Variants in ARNT2 observed in about 807,000 individuals in gnomAD.
ARNT2 encodes aryl hydrocarbon receptor nuclear translocator 2.
Under a neutral mutation model 91.7 loss-of-function variants are expected in ARNT2, and 36 were observed. The ratio of observed to expected loss-of-function variants is 0.39; its 90% CI spans 0.30 to 0.52. The LOEUF is 0.52. Ranked by LOEUF, ARNT2 falls within the 20% of genes least tolerant of loss-of-function variation. The pLI is 0.72. For missense variants in ARNT2, 775 were observed against 939.3 expected, an observed-to-expected ratio of 0.83 and a Z score of 2.29; for synonymous variants, 365 against 347.1, an observed-to-expected ratio of 1.05 and a Z score of -0.57.
intron 1 of ARNT2, chr15:80,442,797 A>AT: frequency 2.1e-6 from 2 of 965,148 alleles, no homozygotes; most frequent in Non-Finnish European, 1.2e-6. Flanking sequence ...GCCCAATCAT[A>AT]TTTTTCTTCT....
At chr15:80,513,533 A>T (rs1368048171) in intron 6 of ARNT2, among the ~76,000 whole-genome samples, 1 of 152,162 alleles carries the variant, frequency 6.6e-6, no homozygotes, top group Non-Finnish European at 1.5e-5. Flanking sequence ...CTGAAGGGAC[A>T]TTATTGCTGT....
chr15:80,484,123 A>G (rs767719916), intron 5 of ARNT2, among the ~76,000 whole-genome samples: 1 of 152,008 alleles, frequency 6.6e-6, no homozygotes, highest in African/African-American at 2.4e-5. Context: ...CAGAATCTTA[A>G]TCCTGAACAC....
intron 8 of ARNT2, among the ~76,000 whole-genome samples, chr15:80,533,160 C>T (rs1897765427): frequency 1.3e-5 from 2 of 152,146 alleles, no homozygotes; most frequent in African/African-American, 4.8e-5. Context: ...AGCACAGAGC[C>T]CACAAGAGGT....
chr15:80,485,412 T>G (rs540263668), intron 5 of ARNT2, among the ~76,000 whole-genome samples: 1 of 152,206 alleles, frequency 6.6e-6, no homozygotes, highest in South Asian at 2.1e-4. Context: ...GACACTGTAC[T>G]AAGTGCTGGG....
At chr15:80,540,227 T>G (rs1897884905) in intron 8 of ARNT2, among the ~76,000 whole-genome samples, 1 of 152,210 alleles carries the variant, frequency 6.6e-6, no homozygotes, top group South Asian at 2.1e-4. Flanking sequence ...CATGAGAAAC[T>G]GCTAGACTGT....
At chr15:80,480,393 G>A (rs1308506313) in intron 5 of ARNT2, among the ~76,000 whole-genome samples, 1 of 152,134 alleles carries the variant, frequency 6.6e-6, no homozygotes, top group Non-Finnish European at 1.5e-5. Context: ...CCTTCCGGTG[G>A]CCTTTCCCAG....
intron 1 of ARNT2, among the ~76,000 whole-genome samples, chr15:80,418,397 C>G (rs765550597): frequency 2.6e-5 from 4 of 152,222 alleles, no homozygotes; most frequent in African/African-American, 7.2e-5. Context: ...CTCCTGGATC[C>G]GGCTGCTTCC....
chr15:80,503,322 C>T (rs1897225706), intron 5 of ARNT2, among the ~76,000 whole-genome samples: 1 of 152,154 alleles, frequency 6.6e-6, no homozygotes. Context: ...GTCAAAAATC[C>T]AATTTACACA....
chr15:80,581,867 G>A (rs2141481641), intron 17 of ARNT2, among the ~76,000 whole-genome samples: 1 of 152,346 alleles, frequency 6.6e-6, no homozygotes, highest in East Asian at 1.9e-4. Context: ...AGAGGGTTAA[G>A]GAACCGCTGT....
chr15:80,584,359 G>A (rs561834820), intron 17 of ARNT2, among the ~76,000 whole-genome samples: 1 of 152,274 alleles, frequency 6.6e-6, no homozygotes, highest in East Asian at 1.9e-4. Flanking sequence ...AGGAAGTGGA[G>A]TGCTGGCTGG....
intron 5 of ARNT2, among the ~76,000 whole-genome samples, chr15:80,476,627 C>T (rs1273485248): frequency 6.6e-6 from 1 of 152,218 alleles, no homozygotes; most frequent in Admixed American, 6.5e-5. Context: ...AGTAGGCCTT[C>T]AGCAGAAGCC....
rs377690246 is a variant in ARNT2, at chr15:80,513,960, A to G, written c.775A>G (p.Met259Val). The G allele has an allele frequency of 5.6e-6, 9 of 1,613,366 alleles. No individual in the cohort carries two copies. Among genetic ancestry groups the G allele is most frequent in the African/African-American group, 2.7e-5 (2 of 74,886 alleles). Reference protein sequence around the residue: ...DHLPLNRITTMRKRFRNGLGP... With the variant: ...DHLPLNRITTVRKRFRNGLGP... Reference sequence around the variant, plus strand: ...CCTTCCTCTAAACAGAATAACCACCATGAGGAAAAGGTTCAGGTCAGTATC... The same window carrying G: ...CCTTCCTCTAAACAGAATAACCACCGTGAGGAAAAGGTTCAGGTCAGTATC... The change falls in exon 7 of 19, where the codon ATG (methionine) becomes GTG (valine). Residue 259 changes from methionine (M) to valine (V), a missense_variant. Physicochemically the swap from Met to Val is conservative, Grantham distance 21. This residue lies in a region of ARNT2 where 285 missense variants were observed against 327.2 expected (regional missense o/e 0.87). Coordinates refer to ENST00000303329, the MANE Select transcript of ARNT2 (RefSeq NM_014862.4).
intron 3 of ARNT2, 26 bp downstream of exon 3, chr15:80,458,002 C>A (rs746747856): frequency 1.5e-5 from 24 of 1,604,558 alleles, no homozygotes; most frequent in Non-Finnish European, 2.0e-5. Context: ...TTTCCTTAGA[C>A]TTAAAGAAGG....
At chr15:80,474,605 A>G (rs956742152) in intron 4 of ARNT2, among the ~76,000 whole-genome samples, 1 of 152,006 alleles carries the variant, frequency 6.6e-6, no homozygotes, top group African/African-American at 2.4e-5. Context: ...CCTTCCTTCT[A>G]TCTAGCACCT....
At chr15:80,428,119 A>G (rs1220994323) in intron 1 of ARNT2, among the ~76,000 whole-genome samples, 1 of 152,208 alleles carries the variant, frequency 6.6e-6, no homozygotes, top group African/African-American at 2.4e-5. Flanking sequence ...TACTTGCTGA[A>G]TGACTGAGTG....
chr15:80,501,790 T>A (rs1278515029), intron 5 of ARNT2, among the ~76,000 whole-genome samples: 1 of 152,264 alleles, frequency 6.6e-6, no homozygotes, highest in Non-Finnish European at 1.5e-5. Flanking sequence ...TAGGAATGCC[T>A]GATTCCATTT....
intron 16 of ARNT2, among the ~76,000 whole-genome samples, 168 bp downstream of exon 16, chr15:80,580,717 G>A (rs374746563): frequency 1.3e-5 from 2 of 152,128 alleles, no homozygotes; most frequent in South Asian, 2.1e-4. Flanking sequence ...CAGGGCTCTC[G>A]GAGAGCCAGG....
intron 3 of ARNT2, among the ~76,000 whole-genome samples, chr15:80,461,074 G>T (rs2141387691): frequency 6.6e-6 from 1 of 152,306 alleles, no homozygotes; most frequent in Admixed American, 6.5e-5. Context: ...GAAGAGGTTT[G>T]CTATTGTGCC....
intron 5 of ARNT2, among the ~76,000 whole-genome samples, chr15:80,487,063 C>A (rs372176255): frequency 6.6e-6 from 1 of 152,236 alleles, no homozygotes; most frequent in African/African-American, 2.4e-5. Context: ...CCTCTCCACA[C>A]CTCCCTGATA....
Sources: allele counts gnomAD v4.1 joint callset (sites outside exome capture counted in the v4.1 genomes callset), GRCh38; gene constraint gnomAD v4.1.1; regional missense constraint gnomAD v4.1.1; transcripts MANE v1.5; gene names NCBI Gene and HGNC (gene_info 2026-07-23, HGNC 2026-07-21).